Variants in TBCK observed in about 807,000 individuals in gnomAD.
TBCK encodes TBC domain-containing protein kinase-like protein.
TBCK carries 99 observed loss-of-function variants against 113.4 expected under a neutral mutation model. The observed-to-expected ratio is 0.87, with a 90% CI of 0.74 to 1.03. The LOEUF (loss-of-function observed/expected upper bound fraction) is 1.03, where lower values mean the gene tolerates loss of function less well. TBCK is among the 50% of genes least tolerant of loss of function. The probability of loss-of-function intolerance (pLI) is 0.00; values close to 1 mark genes in which losing one functional copy is unlikely to be tolerated. For missense variants in TBCK, 1,045 were observed against 1,061.3 expected, an observed-to-expected ratio of 0.98 and a Z score of 0.21; for synonymous variants, 369 against 370.8, an observed-to-expected ratio of 1.00 and a Z score of 0.05.
chr4:106,221,784 A>C (rs1257966021), intron 19 of TBCK, among the ~76,000 whole-genome samples: 1 of 152,188 alleles, frequency 6.6e-6, no homozygotes, highest in East Asian at 1.9e-4. Context: ...ATGGACACAA[A>C]GAAGGGAATA....
chr4:106,292,389 G>A (rs1234372655), intron 3 of TBCK, among the ~76,000 whole-genome samples: 3 of 151,950 alleles, frequency 2.0e-5, no homozygotes, highest in Admixed American at 6.5e-5. Context: ...GGCTAACACG[G>A]TGAAACCCTG....
At chr4:106,129,928 A>G (rs1745679336) in intron 23 of TBCK, among the ~76,000 whole-genome samples, 1 of 152,134 alleles carries the variant, frequency 6.6e-6, no homozygotes, top group Non-Finnish European at 1.5e-5. Context: ...CCCCTAGTAT[A>G]TTGGCTTGGC....
At chr4:106,311,848 C>A (rs1579602656) in intron 1 of TBCK, among the ~76,000 whole-genome samples, 1 of 152,028 alleles carries the variant, frequency 6.6e-6, no homozygotes, top group Non-Finnish European at 1.5e-5. Context: ...GTCCTTTTTA[C>A]AAATGGTGCT....
chr4:106,239,002 G>GA (rs1288227095), intron 12 of TBCK, among the ~76,000 whole-genome samples: 1 of 152,052 alleles, frequency 6.6e-6, no homozygotes, highest in Non-Finnish European at 1.5e-5. Flanking sequence ...GAAGATCTGA[G>GA]AAAAATACCC....
At chr4:106,121,193 T>G (rs1188673730) in intron 23 of TBCK, among the ~76,000 whole-genome samples, 5 of 150,318 alleles carry the variant, frequency 3.3e-5, no homozygotes, top group East Asian at 1.9e-4. Context: ...ACCAAGCAAA[T>G]GGAAAACAAA....
chr4:106,286,677 A>G (rs1399837185), intron 3 of TBCK, among the ~76,000 whole-genome samples: 1 of 152,138 alleles, frequency 6.6e-6, no homozygotes, highest in African/African-American at 2.4e-5. Flanking sequence ...AAAATAAAAA[A>G]ATAGCCATGT....
Position 106,138,021 on chromosome 4 carries a change from T to C in TBCK, c.2236-21643A>G, listed in dbSNP as rs192984135. ...AAGGGAATATGTTCTAAGAAATGTG[T>C]CATTAGGCAAGTGTGTTGTGCAAAC... On this transcript the variant is annotated intron_variant, in intron 23 of 25. Coordinates refer to ENST00000394708, the MANE Select transcript of TBCK (RefSeq NM_001163435.3). Among the ~76,000 whole-genome samples, 22 of 141,518 alleles carry C rather than the reference T, an allele frequency of 1.6e-4. 1 individual carries two copies. The East Asian group carries it at 4.0e-3, about 26-fold the overall frequency. The allele number at this position is 141,518 out of a possible 152,430, so 92.8% of individuals were successfully genotyped here.
chr4:106,151,199 A>G (rs982932577), intron 23 of TBCK, among the ~76,000 whole-genome samples: 2 of 152,082 alleles, frequency 1.3e-5, no homozygotes, highest in Admixed American at 1.3e-4. Flanking sequence ...TGTGTTACAA[A>G]AAATCTAATT....
At chr4:106,069,212 C>T (rs1468407780) in intron 25 of TBCK, among the ~76,000 whole-genome samples, 1 of 152,152 alleles carries the variant, frequency 6.6e-6, no homozygotes, top group East Asian at 1.9e-4. Flanking sequence ...GACATGAAGT[C>T]CTTGCCCATG....
At chr4:106,087,621 C>A (rs879668130) in intron 25 of TBCK, among the ~76,000 whole-genome samples, 1 of 152,136 alleles carries the variant, frequency 6.6e-6, no homozygotes, top group South Asian at 2.1e-4. Flanking sequence ...CCCATATAGG[C>A]AAGACAATCC....
In TBCK at chr4:106,149,129, T is replaced by TTAGG. The variant is rs201650029; in HGVS notation, c.2235+21962_2235+21965dup. ...CATGGCCTTACAGAACCAAAGAGAG[T>TTAGG]TAGGGCTTTGCTCTGGATTAGGCTT... On this transcript the variant is annotated intron_variant, in intron 23 of 25. Transcript: ENST00000394708. 2.0e-5 allele frequency among the ~76,000 whole-genome samples: 3 copies of TTAGG among 152,168 alleles called. No homozygotes were observed. The East Asian group carries it at 5.8e-4, about 29-fold the overall frequency.
At chr4:106,262,474 GA>G (rs1560930472) in intron 3 of TBCK, among the ~76,000 whole-genome samples, 1 of 151,938 alleles carries the variant, frequency 6.6e-6, no homozygotes. Flanking sequence ...GTTCTTCCAC[GA>G]AAGGGCTTTA....
At chr4:106,165,331 T>G (rs1032905658) in intron 23 of TBCK, among the ~76,000 whole-genome samples, 1 of 151,748 alleles carries the variant, frequency 6.6e-6, no homozygotes, top group African/African-American at 2.4e-5. Context: ...AATAATTATT[T>G]TGGCAATTCT....
chr4:106,274,667 G>A (rs1763826327), intron 3 of TBCK, among the ~76,000 whole-genome samples: 1 of 152,160 alleles, frequency 6.6e-6, no homozygotes, highest in African/African-American at 2.4e-5. Context: ...TTCCAGGGGT[G>A]GGGAGAGAGA....
chr4:106,240,981 A>C (rs1760043947), intron 12 of TBCK, among the ~76,000 whole-genome samples: 1 of 152,064 alleles, frequency 6.6e-6, no homozygotes, highest in Non-Finnish European at 1.5e-5. Context: ...AATGCAGAAC[A>C]AAACAGCTAT....
intron 22 of TBCK, 97 bp downstream of exon 22, chr4:106,193,512 T>G (rs1753886077): frequency 7.8e-7 from 1 of 1,286,458 alleles, no homozygotes; most frequent in African/African-American, 1.5e-5. Flanking sequence ...GAAGAGATGC[T>G]GAAGGCCTGG....
rs184661422 is a variant in TBCK at position 106,217,484 on chromosome 4, C to A, written c.1775-4649G>T. ...CTAGAAAACCCCATTGTCTCAGCCC[C>A]AAATCTCCTTTAGCTGATAAGCAAC... On this transcript the variant is annotated intron_variant, in intron 19 of 25. Coordinates refer to ENST00000394708, the MANE Select transcript of TBCK (RefSeq NM_001163435.3). Among the ~76,000 whole-genome samples the A allele has an allele frequency of 4.0e-3, 611 of 152,236 alleles. 7 individuals are homozygous for A. The highest frequency in any genetic ancestry group is 0.033 in the East Asian group (169 of 5,180).
chr4:106,060,797 T>C (rs1482734039), intron 25 of TBCK, among the ~76,000 whole-genome samples: 1 of 151,740 alleles, frequency 6.6e-6, no homozygotes, highest in Non-Finnish European at 1.5e-5. Context: ...CCATTCTAGA[T>C]GCCTTTCAAA....
At chr4:106,162,013 C>A (rs1051634733) in intron 23 of TBCK, among the ~76,000 whole-genome samples, 1 of 152,104 alleles carries the variant, frequency 6.6e-6, no homozygotes, top group Non-Finnish European at 1.5e-5. Context: ...AGTCCAAAGT[C>A]TCATCTGAGA....
Sources: allele counts gnomAD v4.1 joint callset (sites outside exome capture counted in the v4.1 genomes callset), GRCh38; gene constraint gnomAD v4.1.1; transcripts MANE v1.5; gene names NCBI Gene and HGNC (gene_info 2026-07-23, HGNC 2026-07-21).